The following AKT3 variants were observed in gnomAD, a reference collection of about 807,000 sequenced individuals.
AKT3 encodes the protein AKT serine/threonine kinase 3.
AKT3 carries 15 observed loss-of-function variants against 65.3 expected under a neutral mutation model. That is an observed-to-expected ratio of 0.23 (90% CI 0.15 to 0.35). The LOEUF (loss-of-function observed/expected upper bound fraction) is 0.35. Among genes scored for constraint, AKT3 ranks in the 10% least tolerant of loss-of-function variants. The probability of loss-of-function intolerance (pLI) is 1.00; values close to 1 mark genes in which losing one functional copy is unlikely to be tolerated. For missense variants in AKT3, 243 were observed against 576.5 expected (o/e 0.42, Z 5.92); for synonymous variants, 206 against 183.8 (o/e 1.12, Z -0.98).
intron 3 of AKT3, among the ~76,000 whole-genome samples, chr1:243,668,921 A>G (rs892653370): frequency 2.0e-5 from 3 of 152,246 alleles, no homozygotes; most frequent in Non-Finnish European, 2.9e-5. Flanking sequence ...ATTATATCAC[A>G]ATTCAACTTT....
At chr1:243,735,851 A>G (rs1377739103) in intron 2 of AKT3, 1 of 152,250 alleles carries the variant, frequency 6.6e-6, no homozygotes, top group Non-Finnish European at 1.5e-5. Context: ...ATAGAATGGG[A>G]GAATGAATTT....
At chr1:243,788,355 T>C (rs952067545) in intron 2 of AKT3, among the ~76,000 whole-genome samples, 2 of 152,234 alleles carry the variant, frequency 1.3e-5, no homozygotes, top group South Asian at 2.1e-4. Context: ...CCTAGGTATA[T>C]TATAACAACT....
chr1:243,714,022 A>G (rs1390565421), intron 2 of AKT3, among the ~76,000 whole-genome samples: 10 of 152,146 alleles, frequency 6.6e-5, no homozygotes. Flanking sequence ...AGAGTAGATA[A>G]ATCATGTTGG....
At chr1:243,598,204 T>C (rs1036447743) in intron 8 of AKT3, among the ~76,000 whole-genome samples, 3 of 152,112 alleles carry the variant, frequency 2.0e-5, no homozygotes, top group Admixed American at 2.0e-4. Flanking sequence ...GAAATACCTC[T>C]CAAAAAATTA....
At chr1:243,845,588 C>CAAAAAAAAAAAAAAAAA (rs10648820) in intron 1 of AKT3, among the ~76,000 whole-genome samples, 7 of 79,338 alleles carry the variant, frequency 8.8e-5, no homozygotes, top group Admixed American at 1.6e-4. Flanking sequence ...GAACCTGTCT[C>CAAAAAAAAAAAAAAAAA]AAAAAAAAAA....
At chr1:243,834,967 T>G (rs1262664845) in intron 2 of AKT3, among the ~76,000 whole-genome samples, 1 of 152,168 alleles carries the variant, frequency 6.6e-6, no homozygotes, top group African/African-American at 2.4e-5. Context: ...CACAAGGCAC[T>G]CTCAGAAGTG....
intron 4 of AKT3, among the ~76,000 whole-genome samples, chr1:243,659,878 T>A (rs1682145073): frequency 6.6e-6 from 1 of 152,234 alleles, no homozygotes; most frequent in Non-Finnish European, 1.5e-5. Flanking sequence ...TAGATTCAGT[T>A]TGCCACTATT....
At chr1:243,668,289 G>T (rs1373924785) in intron 3 of AKT3, among the ~76,000 whole-genome samples, 2 of 152,144 alleles carry the variant, frequency 1.3e-5, no homozygotes, top group Non-Finnish European at 2.9e-5. Flanking sequence ...AGCAAGAAGG[G>T]ATTAAATTTA....
At chr1:243,739,372 A>G (rs559750861) in intron 2 of AKT3, among the ~76,000 whole-genome samples, 3 of 152,216 alleles carry the variant, frequency 2.0e-5, no homozygotes, top group East Asian at 1.9e-4. Context: ...ATATAGGTCA[A>G]TTCGCACTCT....
At chr1:243,531,252 G>A (rs1029273591) in intron 12 of AKT3, among the ~76,000 whole-genome samples, 12 of 151,978 alleles carry the variant, frequency 7.9e-5, no homozygotes, top group African/African-American at 7.3e-5. Flanking sequence ...CACCATGCCC[G>A]GCTAATTTTT....
intron 2 of AKT3, among the ~76,000 whole-genome samples, chr1:243,706,360 T>A (rs1413882310): frequency 2.0e-5 from 3 of 152,142 alleles, no homozygotes; most frequent in Non-Finnish European, 4.4e-5. Context: ...CAGCACTAAC[T>A]GGGAGTTTGC....
intron 5 of AKT3, among the ~76,000 whole-genome samples, chr1:243,642,020 C>A (rs1175584416): frequency 6.6e-6 from 1 of 152,066 alleles, no homozygotes; most frequent in Non-Finnish European, 1.5e-5. Context: ...ACAGCCTTCA[C>A]TGAACTTCAC....
At chr1:243,723,295 T>C (rs1687024640) in intron 2 of AKT3, among the ~76,000 whole-genome samples, 1 of 152,166 alleles carries the variant, frequency 6.6e-6, no homozygotes, top group Admixed American at 6.5e-5. Context: ...TAGATGCCTG[T>C]CACTATTCAG....
chr1:243,660,168 G>C (rs1411419623), intron 4 of AKT3, among the ~76,000 whole-genome samples: 2 of 151,802 alleles, frequency 1.3e-5, no homozygotes, highest in Non-Finnish European at 2.9e-5. Flanking sequence ...TCCTGTTATT[G>C]GTCTATTCAG....
At chr1:243,662,640 G>T (rs1031273596) in intron 4 of AKT3, among the ~76,000 whole-genome samples, 3 of 151,468 alleles carry the variant, frequency 2.0e-5, no homozygotes, top group African/African-American at 7.3e-5. Flanking sequence ...GCACCAGCAT[G>T]GCACATGTAT....
intron 2 of AKT3, among the ~76,000 whole-genome samples, chr1:243,771,341 A>AC (rs1558796033): frequency 6.6e-6 from 1 of 152,130 alleles, no homozygotes; most frequent in Non-Finnish European, 1.5e-5. Flanking sequence ...GAGGGCACAG[A>AC]CCATGTGTTT....
intron 2 of AKT3, among the ~76,000 whole-genome samples, chr1:243,704,580 T>A (rs530073430): frequency 3.3e-5 from 5 of 152,148 alleles, no homozygotes; most frequent in Non-Finnish European, 7.4e-5. Flanking sequence ...AGGTAGTCGA[T>A]GATATTTGTT....
intron 2 of AKT3, among the ~76,000 whole-genome samples, chr1:243,738,388 T>C (rs1349590988): frequency 6.6e-6 from 1 of 152,194 alleles, no homozygotes; most frequent in Admixed American, 6.5e-5. Context: ...AAAATGAAGC[T>C]AGAAATGCAT....
At chr1:243,798,408 T>TTG (rs1419197419) in intron 2 of AKT3, among the ~76,000 whole-genome samples, 3 of 137,828 alleles carry the variant, frequency 2.2e-5, no homozygotes, top group Non-Finnish European at 4.8e-5. Context: ...TTTTTTTTTT[T>TTG]TTTTTTTTTG....
Sources: allele counts gnomAD v4.1 joint callset (sites outside exome capture counted in the v4.1 genomes callset), GRCh38; gene constraint gnomAD v4.1.1; transcripts MANE v1.5; gene names NCBI Gene and HGNC (gene_info 2026-07-23, HGNC 2026-07-21).